CNTLN: variants seen among roughly 807,000 people sequenced by gnomAD.
CNTLN encodes the protein centlein.
In CNTLN, 212 loss-of-function variants were observed where a neutral mutation model predicts 180.0. That is an observed-to-expected ratio of 1.18 (90% CI 1.05 to 1.32). The LOEUF is 1.32. CNTLN is among the 40% of genes most tolerant of loss of function. The probability of loss-of-function intolerance (pLI) is 0.00; values close to 1 mark genes in which losing one functional copy is unlikely to be tolerated. For synonymous variants in CNTLN, 722 were observed against 563.1 expected, an observed-to-expected ratio of 1.28 and a Z score of -3.99; for missense variants, 2,095 against 1,610.9, an observed-to-expected ratio of 1.30 and a Z score of -5.14.
intron 2 of CNTLN, among the ~76,000 whole-genome samples, chr9:17,149,915 C>T (rs1231368514): frequency 1.3e-5 from 2 of 152,148 alleles, no homozygotes; most frequent in Admixed American, 6.5e-5. Context: ...TGATGATGAG[C>T]ATTTTTTCAT....
chr9:17,267,048 AAT>A (rs1827517354), intron 5 of CNTLN, among the ~76,000 whole-genome samples: 1 of 152,014 alleles, frequency 6.6e-6, no homozygotes, highest in South Asian at 2.1e-4. Context: ...ATTTAAAGTT[AAT>A]GTTGTTATGT....
intron 6 of CNTLN, among the ~76,000 whole-genome samples, chr9:17,288,024 G>T (rs1218442672): frequency 1.4e-5 from 2 of 139,028 alleles, no homozygotes; most frequent in African/African-American, 6.0e-5. Flanking sequence ...CTGCTCTGAT[G>T]TTAGTTATTT....
intron 6 of CNTLN, among the ~76,000 whole-genome samples, chr9:17,274,622 T>G (rs1828192286): frequency 6.6e-6 from 1 of 152,068 alleles, no homozygotes; most frequent in Non-Finnish European, 1.5e-5. Context: ...GGATCGAAGA[T>G]ATGCTTCTAG....
At chr9:17,339,057 A>G (rs983102156) in intron 10 of CNTLN, among the ~76,000 whole-genome samples, 5 of 152,188 alleles carry the variant, frequency 3.3e-5, no homozygotes, top group African/African-American at 1.2e-4. Flanking sequence ...TACTTAGGAA[A>G]CATTTATTTT....
chr9:17,383,470 C>A (rs941628977), intron 13 of CNTLN, among the ~76,000 whole-genome samples: 2 of 151,346 alleles, frequency 1.3e-5, no homozygotes, highest in African/African-American at 2.4e-5. Flanking sequence ...GCTGAGATCA[C>A]GCCACTGCAT....
chr9:17,403,070 G>A (rs1827106782), intron 15 of CNTLN, among the ~76,000 whole-genome samples: 1 of 151,694 alleles, frequency 6.6e-6, no homozygotes, highest in Non-Finnish European at 1.5e-5. Context: ...AACTTGGAAG[G>A]AAAAGTTGGA....
chr9:17,472,756 C>T (rs1288077624), intron 23 of CNTLN, among the ~76,000 whole-genome samples: 7 of 152,232 alleles, frequency 4.6e-5, no homozygotes, highest in Admixed American at 3.9e-4. Flanking sequence ...CACTAAGAAA[C>T]ACTACCCTTG....
At chr9:17,193,276 C>G (rs566351897) in intron 2 of CNTLN, among the ~76,000 whole-genome samples, 20 of 152,242 alleles carry the variant, frequency 1.3e-4, no homozygotes, top group Non-Finnish European at 2.6e-4. Flanking sequence ...AAGTCTTAAT[C>G]CATTTCAGCA....
rs889435494 is a variant in CNTLN, at chr9:17,472,490, C to T, written c.3855+5599C>T. On this transcript the variant is annotated intron_variant, in intron 23 of 25. Transcript: ENST00000380647. ...CCATCCAATCCCCTATTGGATATTCCCTTTCTATTCTTCAGCATCCTCACT... is the reference window on the plus strand; with the variant it reads ...CCATCCAATCCCCTATTGGATATTCTCTTTCTATTCTTCAGCATCCTCACT... Among the ~76,000 whole-genome samples the T allele has an allele frequency of 1.4e-4, 21 of 152,036 alleles. 1 individual carries two copies. Among genetic ancestry groups the T allele is most frequent in the Admixed American group, 1.2e-3 (18 of 15,258 alleles).
At chr9:17,178,494 G>C (rs1050977279) in intron 2 of CNTLN, among the ~76,000 whole-genome samples, 1 of 152,076 alleles carries the variant, frequency 6.6e-6, no homozygotes, top group African/African-American at 2.4e-5. Context: ...CGGGCTGCCC[G>C]GGATCCCACA....
At chr9:17,196,480 A>G (rs895304828) in intron 2 of CNTLN, among the ~76,000 whole-genome samples, 1 of 152,124 alleles carries the variant, frequency 6.6e-6, no homozygotes, top group Admixed American at 6.5e-5. Flanking sequence ...TAGGTACTCA[A>G]AAATGGCAAT....
intron 12 of CNTLN, among the ~76,000 whole-genome samples, chr9:17,350,987 T>C (rs1188622924): frequency 6.6e-6 from 1 of 152,204 alleles, no homozygotes; most frequent in Non-Finnish European, 1.5e-5. Context: ...TTGTTAAGCA[T>C]AATTAAATCA....
chr9:17,270,786 T>A (rs900983681), intron 5 of CNTLN, among the ~76,000 whole-genome samples: 2 of 152,120 alleles, frequency 1.3e-5, no homozygotes, highest in Non-Finnish European at 2.9e-5. Flanking sequence ...TTTTAAATTA[T>A]CCTTTTGAAA....
intron 6 of CNTLN, among the ~76,000 whole-genome samples, chr9:17,292,292 A>G (rs1829468129): frequency 6.6e-6 from 1 of 151,946 alleles, no homozygotes; most frequent in East Asian, 1.9e-4. Flanking sequence ...AGGGCTGATC[A>G]TCTCATGGAG....
chr9:17,359,281 A>G (rs1412924072), intron 12 of CNTLN, among the ~76,000 whole-genome samples: 2 of 152,058 alleles, frequency 1.3e-5, no homozygotes, highest in Non-Finnish European at 2.9e-5. Flanking sequence ...GGCCTCCTAA[A>G]GTGCTAGGAT....
At chr9:17,321,576 C>T (rs9298774) in intron 8 of CNTLN, among the ~76,000 whole-genome samples, 87,119 of 151,958 alleles carry the variant, frequency 0.57, 25,416 homozygotes, top group East Asian at 0.73. Context: ...CTAATTGTGA[C>T]GTGGAGAAAA....
rs1022832683 is a variant in CNTLN at position 17,457,548 on chromosome 9, C to T, written c.3139C>T (p.Leu1047Phe). The part of the protein sequence containing the change: ...IKKLNLDLAG[L>F]RKEKEDLLKK... The stretch of plus-strand genomic sequence containing the variant: ...GAAGCTAAATTTGGATTTGGCTGGG[C>T]TTCGGAAAGAAAAAGAAGATTTACT... The change falls in exon 19 of 26, where the codon CTT becomes TTT. Residue 1047 changes from leucine to phenylalanine, a missense_variant. Transcript: ENST00000380647. 3.3e-6 allele frequency: 5 copies of T among 1,502,438 alleles called. No individual in the cohort carries two copies. The African/African-American group carries it at 7.1e-5, about 21-fold the overall frequency. 93.1% of individuals were successfully genotyped at this position (1,502,438 alleles called of 1,614,324 possible).
At chr9:17,316,310 C>G (rs1387531183) in intron 8 of CNTLN, among the ~76,000 whole-genome samples, 1 of 151,960 alleles carries the variant, frequency 6.6e-6, no homozygotes, top group Non-Finnish European at 1.5e-5. Flanking sequence ...CTTTTACATT[C>G]AATATATGTG....
intron 15 of CNTLN, among the ~76,000 whole-genome samples, chr9:17,404,687 A>G (rs1340489850): frequency 2.0e-5 from 3 of 151,452 alleles, no homozygotes; most frequent in South Asian, 2.1e-4. Context: ...AAAGTTGTGT[A>G]CAATCCTTGT....
Sources: allele counts gnomAD v4.1 joint callset (sites outside exome capture counted in the v4.1 genomes callset), GRCh38; gene constraint gnomAD v4.1.1; transcripts MANE v1.5; gene names NCBI Gene and HGNC (gene_info 2026-07-23, HGNC 2026-07-21).